The following LIMS1 variants were observed in gnomAD, a reference collection of about 807,000 sequenced individuals.
LIMS1 encodes LIM and senescent cell antigen-like-containing domain protein 1.
LIMS1 carries 18 observed loss-of-function variants against 44.1 expected under a neutral mutation model. The observed-to-expected ratio is 0.41, with a 90% CI of 0.28 to 0.61. LIMS1 has a LOEUF of 0.61. Among genes scored for constraint, LIMS1 ranks in the 20% least tolerant of loss-of-function variants. LIMS1 has a pLI of 0.32. For synonymous variants in LIMS1, 93 were observed against 149.1 expected (o/e 0.62, Z 2.74); for missense variants, 201 against 422.0 (o/e 0.48, Z 4.59).
intron 1 of LIMS1, among the ~76,000 whole-genome samples, chr2:108,555,478 A>T (rs756998110): frequency 6.6e-6 from 1 of 152,174 alleles, no homozygotes; most frequent in Admixed American, 6.6e-5. Context: ...CCCATGGTTT[A>T]TGCCAGTTTG....
intron 2 of LIMS1, among the ~76,000 whole-genome samples, chr2:108,661,695 T>G (rs1202505309): frequency 3.3e-5 from 5 of 152,176 alleles, no homozygotes; most frequent in Non-Finnish European, 7.3e-5. Flanking sequence ...GTAGTGGTGG[T>G]GAGCCATGAC....
chr2:108,570,040 A>G (rs961724165), intron 1 of LIMS1, among the ~76,000 whole-genome samples: 2 of 152,178 alleles, frequency 1.3e-5, no homozygotes, highest in African/African-American at 4.8e-5. Flanking sequence ...CTTTGATAGG[A>G]TAATATATTT....
chr2:108,633,136 T>C (rs1371065234), intron 1 of LIMS1, among the ~76,000 whole-genome samples: 2 of 152,248 alleles, frequency 1.3e-5, no homozygotes, highest in Non-Finnish European at 2.9e-5. Context: ...ATTCCTGCTC[T>C]TCTGTCCCTT....
At chr2:108,603,047 A>G (rs1464442136) in intron 1 of LIMS1, among the ~76,000 whole-genome samples, 1 of 152,146 alleles carries the variant, frequency 6.6e-6, no homozygotes, top group Non-Finnish European at 1.5e-5. Context: ...TGGCCTCCCA[A>G]AATGCTGAGA....
In LIMS1 at chr2:108,569,417, A is replaced by G. The variant is rs78439114; in HGVS notation, c.32+34823A>G. Among the ~76,000 whole-genome samples, 153 of 152,266 alleles carry G rather than the reference A, an allele frequency of 1.0e-3. 1 individual carries two copies. The highest frequency in any genetic ancestry group is 1.7e-3 in the Non-Finnish European group (117 of 68,014). On this transcript the variant is annotated intron_variant, in intron 1 of 9. Transcript: ENST00000544547. The stretch of plus-strand genomic sequence containing the variant: ...GATTGGGAAACCGTTGCCTAGTCCA[A>G]TGTCATGCCTTTCTCCTTGTATTTT...
intron 1 of LIMS1, among the ~76,000 whole-genome samples, chr2:108,645,803 A>G (rs1690023430): frequency 6.6e-6 from 1 of 151,130 alleles, no homozygotes; most frequent in East Asian, 2.0e-4. Context: ...AGGAAAATTT[A>G]CCAAGCAAAT....
rs57736859 is a variant in LIMS1, at chr2:108,551,480, T to TGC, written c.32+16897_32+16898dup. ...AGTTAGCACACTCTATATACATATA[T>TGC]GCGCGCGCGCGCACACACACACACA... On this transcript the variant is annotated intron_variant, in intron 1 of 9. Transcript: ENST00000544547. 4.1e-3 allele frequency among the ~76,000 whole-genome samples: 480 copies of TGC among 117,702 alleles called. 5 individuals carry two copies. Among genetic ancestry groups the TGC allele is most frequent in the African/African-American group, 0.011 (330 of 30,562 alleles). The allele number at this position is 117,702 out of a possible 152,430, so 77.2% of individuals were successfully genotyped here.
intron 1 of LIMS1, among the ~76,000 whole-genome samples, chr2:108,622,846 A>G (rs1688328969): frequency 6.6e-6 from 1 of 152,152 alleles, no homozygotes; most frequent in South Asian, 2.1e-4. Flanking sequence ...ATTAAGTTAT[A>G]TAAAAAAAAT....
At chr2:108,595,291 C>T (rs1016802327) in intron 1 of LIMS1, among the ~76,000 whole-genome samples, 2 of 151,972 alleles carry the variant, frequency 1.3e-5, no homozygotes, top group African/African-American at 4.8e-5. Flanking sequence ...GATGTCATTC[C>T]CAAAGAATCT....
chr2:108,647,030 G>A (rs932754940), intron 1 of LIMS1, among the ~76,000 whole-genome samples: 18 of 152,212 alleles, frequency 1.2e-4, no homozygotes, highest in African/African-American at 3.1e-4. Context: ...CCAGGAGCTG[G>A]TTTTTTGAAA....
intron 1 of LIMS1, among the ~76,000 whole-genome samples, chr2:108,587,145 C>G (rs1426693034): frequency 2.0e-5 from 3 of 152,118 alleles, no homozygotes; most frequent in African/African-American, 7.2e-5. Context: ...TGCTTTTCCA[C>G]TCTTTCAAGC....
At chr2:108,636,084 G>A (rs956605234) in intron 1 of LIMS1, among the ~76,000 whole-genome samples, 7 of 152,308 alleles carry the variant, frequency 4.6e-5, no homozygotes, top group East Asian at 3.9e-4. Context: ...AGGAGAGAAA[G>A]CAAAAGAGTA....
At chr2:108,571,442 C>T (rs1685476625) in intron 1 of LIMS1, among the ~76,000 whole-genome samples, 1 of 152,144 alleles carries the variant, frequency 6.6e-6, no homozygotes, top group Non-Finnish European at 1.5e-5. Context: ...AGCCACAGTC[C>T]ACTACTGTTC....
chr2:108,616,215 T>TTC (rs1687924319), intron 1 of LIMS1, among the ~76,000 whole-genome samples: 1 of 145,942 alleles, frequency 6.9e-6, no homozygotes, highest in Non-Finnish European at 1.5e-5. Flanking sequence ...TTTTTTTTTT[T>TTC]TTTTTTGGAT....
chr2:108,537,089 G>A (rs1684169107), intron 1 of LIMS1, among the ~76,000 whole-genome samples: 1 of 152,200 alleles, frequency 6.6e-6, no homozygotes, highest in Non-Finnish European at 1.5e-5. Context: ...TTCAGGGACA[G>A]TACCACGGCC....
At chr2:108,567,777 G>A (rs1179526693) in intron 1 of LIMS1, among the ~76,000 whole-genome samples, 6 of 152,228 alleles carry the variant, frequency 3.9e-5, no homozygotes, top group East Asian at 3.9e-4. Context: ...TCTCCATGCC[G>A]TTCAGGCTGG....
intron 8 of LIMS1, 112 bp from the exon 9 acceptor site, chr2:108,680,583 C>T (rs557970264): frequency 5.1e-5 from 73 of 1,437,458 alleles, no homozygotes; most frequent in African/African-American, 1.4e-5. Context: ...AGAACCTCCA[C>T]CAAGTGCCAC....
intron 1 of LIMS1, among the ~76,000 whole-genome samples, chr2:108,584,973 A>G (rs796667439): frequency 9.2e-5 from 14 of 152,058 alleles, no homozygotes; most frequent in African/African-American, 3.4e-4. Flanking sequence ...CAACATGGTG[A>G]AACCCTGTCT....
intron 8 of LIMS1, among the ~76,000 whole-genome samples, chr2:108,678,890 A>G (rs1026593278): frequency 2.6e-5 from 4 of 152,162 alleles, no homozygotes; most frequent in Admixed American, 6.6e-5. Flanking sequence ...CACCTAAACA[A>G]CATGGTGCAT....
Sources: allele counts gnomAD v4.1 joint callset (sites outside exome capture counted in the v4.1 genomes callset), GRCh38; gene constraint gnomAD v4.1.1; transcripts MANE v1.5; gene names NCBI Gene and HGNC (gene_info 2026-07-23, HGNC 2026-07-21).